Variants in NBAS observed in about 807,000 individuals in gnomAD.
NBAS encodes NAG/BC035112 fusion.
In NBAS, 219 loss-of-function variants were observed where a neutral mutation model predicts 302.5. The ratio of observed to expected loss-of-function variants is 0.72; its 90% CI spans 0.65 to 0.81. NBAS has a LOEUF of 0.81. Among genes scored for constraint, NBAS ranks in the 30% least tolerant of loss-of-function variants. The pLI is 0.00. For synonymous variants in NBAS, 1,118 were observed against 1,021.6 expected (o/e 1.09, Z -1.80); for missense variants, 2,932 against 2,841.6 (o/e 1.03, Z -0.72).
chr2:15,074,137 C>T, the NBAS span, among the ~76,000 whole-genome samples: 135 of 152,160 alleles, frequency 8.9e-4, no homozygotes, highest in African/African-American at 3.2e-3. Flanking sequence ...TCCAAAAACT[C>T]AAACATACAT....
Position 15,528,878 on chromosome 2 carries a change from A to ATAT in NBAS, c.746+5664_746+5665insATA, listed in dbSNP as rs1553333170. ...TGAGACTCCATCTCAAAAAAAAAAA[A>ATAT]ATATATATATATATATATATGTGTG... is the stretch of plus-strand genomic sequence containing the variant. On this transcript the variant is annotated intron_variant, in intron 9 of 51. Coordinates refer to ENST00000281513, the MANE Select transcript of NBAS (RefSeq NM_015909.4). 2.1e-4 allele frequency among the ~76,000 whole-genome samples: 26 copies of ATAT among 121,546 alleles called. No individual in the cohort carries two copies. In the East Asian group the frequency reaches 4.7e-3, roughly 22 times the overall value. The allele number at this position is 121,546 out of a possible 152,430, so 79.7% of individuals were successfully genotyped here.
the NBAS span, among the ~76,000 whole-genome samples, chr2:14,929,526 C>T: frequency 7.2e-5 from 11 of 152,178 alleles, no homozygotes; most frequent in East Asian, 1.2e-3. Context: ...TACAGGCGTG[C>T]GCCACCACAC....
chr2:15,358,130 A>G (rs998751711), intron 32 of NBAS, among the ~76,000 whole-genome samples: 4 of 152,166 alleles, frequency 2.6e-5, no homozygotes, highest in African/African-American at 9.7e-5. Context: ...TATGGCAACC[A>G]AATAACACCG....
intron 31 of NBAS, 62 bp from the exon 32 acceptor site, chr2:15,366,755 C>A: frequency 6.9e-7 from 1 of 1,444,352 alleles, no homozygotes; most frequent in Non-Finnish European, 9.7e-7. Flanking sequence ...TGTTAATGGC[C>A]TTCCTAATGC....
chr2:15,493,481 A>C (rs1309294914), intron 11 of NBAS, among the ~76,000 whole-genome samples: 1 of 152,182 alleles, frequency 6.6e-6, no homozygotes, highest in African/African-American at 2.4e-5. Flanking sequence ...CAGCCTGGTC[A>C]ACATGGTAAA....
the NBAS span, among the ~76,000 whole-genome samples, chr2:15,140,864 C>T: frequency 1.3e-5 from 2 of 152,138 alleles, no homozygotes; most frequent in East Asian, 3.8e-4. Flanking sequence ...TGGTATAATA[C>T]ATTCATAATA....
intron 35 of NBAS, among the ~76,000 whole-genome samples, chr2:15,351,475 G>A (rs921066688): frequency 4.6e-5 from 7 of 152,146 alleles, no homozygotes; most frequent in African/African-American, 1.4e-4. Context: ...TCAGGAGTTC[G>A]AGACGAGCCT....
At chr2:15,451,019 T>G (rs986900255) in intron 21 of NBAS, among the ~76,000 whole-genome samples, 1 of 151,300 alleles carries the variant, frequency 6.6e-6, no homozygotes, top group Non-Finnish European at 1.5e-5. Context: ...AAAAAGGTAA[T>G]TTAGCTTCAT....
At chr2:15,098,852 G>A in the NBAS span, among the ~76,000 whole-genome samples, 3 of 150,416 alleles carry the variant, frequency 2.0e-5, no homozygotes, top group African/African-American at 4.9e-5. Flanking sequence ...GGCTGCTCTC[G>A]TATAAAAAAA....
At chr2:15,392,899 T>C (rs1364860926) in intron 28 of NBAS, among the ~76,000 whole-genome samples, 1 of 152,002 alleles carries the variant, frequency 6.6e-6, no homozygotes, top group Non-Finnish European at 1.5e-5. Flanking sequence ...CACAGCATGG[T>C]ATGGGAAGAA....
chr2:15,555,278 T>A lies in NBAS; in HGVS notation c.210-1140A>T, dbSNP rs1553337885. ...CCCTCTCTTAAAAAAAAAAAAAAAATTAGTAATATACATGTAGTACATTTA... is the reference window on the plus strand; with the variant it reads ...CCCTCTCTTAAAAAAAAAAAAAAAAATAGTAATATACATGTAGTACATTTA... On this transcript the variant is annotated intron_variant, in intron 3 of 51. Coordinates refer to ENST00000281513, the MANE Select transcript of NBAS (RefSeq NM_015909.4). 6.4e-4 allele frequency among the ~76,000 whole-genome samples: 93 copies of A among 146,086 alleles called. No homozygotes were observed. In the South Asian group the frequency reaches 9.6e-3, roughly 15 times the overall value.
the NBAS span, among the ~76,000 whole-genome samples, chr2:15,156,398 C>T: frequency 6.6e-6 from 1 of 152,266 alleles, no homozygotes; most frequent in East Asian, 1.9e-4. Context: ...AAGCTGTCTT[C>T]GTCTGTTCAG....
the NBAS span, among the ~76,000 whole-genome samples, chr2:14,926,335 AAG>A: frequency 2.0e-5 from 3 of 152,098 alleles, no homozygotes; most frequent in Admixed American, 2.0e-4. Flanking sequence ...AGTACTTTGC[AAG>A]AGTTTTCAAA....
chr2:15,250,720 A>G (rs949347473), intron 44 of NBAS, among the ~76,000 whole-genome samples: 6 of 152,330 alleles, frequency 3.9e-5, no homozygotes, highest in Admixed American at 3.3e-4. Context: ...GCTCATCATC[A>G]CTGTTCATTA....
At chr2:15,178,946 TAAAAAA>T in intron 51 of NBAS, 36 bp downstream of exon 51, 1 of 1,485,750 alleles carries the variant, frequency 6.7e-7, no homozygotes, top group Non-Finnish European at 9.2e-7. Flanking sequence ...TTTGAAACAT[TAAAAAA>T]AAAAAAAGAA....
At chr2:15,327,904 G>T in intron 37 of NBAS, 34 bp from the exon 38 acceptor site, 1 of 1,612,194 alleles carries the variant, frequency 6.2e-7, no homozygotes. Flanking sequence ...TATCTAGTAG[G>T]GTGCCTTTTG....
chr2:15,124,751 A>G, the NBAS span, among the ~76,000 whole-genome samples: 1 of 152,244 alleles, frequency 6.6e-6, no homozygotes, highest in Non-Finnish European at 1.5e-5. Context: ...GGTTCCAGTC[A>G]TAAGTCTTAG....
intron 25 of NBAS, among the ~76,000 whole-genome samples, chr2:15,406,233 C>T (rs1487347779): frequency 6.6e-6 from 1 of 151,822 alleles, no homozygotes; most frequent in East Asian, 1.9e-4. Flanking sequence ...GACAGACAGA[C>T]CAGTAGAATA....
At chr2:14,991,882 G>A in the NBAS span, among the ~76,000 whole-genome samples, 204 of 152,236 alleles carry the variant, frequency 1.3e-3, 3 homozygotes, top group African/African-American at 4.6e-3. Context: ...TTCAGGATGC[G>A]GTGGGAAATT....
Sources: gnomAD v4.1 joint callset for allele counts (sites outside exome capture counted in the v4.1 genomes callset) on GRCh38, gnomAD v4.1.1 for gene constraint, MANE v1.5 for transcripts, NCBI Gene and HGNC (gene_info 2026-07-23, HGNC 2026-07-21) for gene names.